Variants in APH1B observed in about 807,000 individuals in gnomAD.
The protein encoded by APH1B is gamma-secretase subunit APH-1B.
A neutral mutation model predicts 28.2 loss-of-function variants in APH1B; 27 were observed. The ratio of observed to expected loss-of-function variants is 0.96; its 90% CI spans 0.70 to 1.32. The LOEUF is 1.32. Ranked by LOEUF, APH1B falls within the 40% of genes most tolerant of loss-of-function variation. APH1B has a pLI of 0.00. For missense variants in APH1B, 305 were observed against 313.6 expected, an observed-to-expected ratio of 0.97 and a Z score of 0.21; for synonymous variants, 141 against 124.6, an observed-to-expected ratio of 1.13 and a Z score of -0.88.
chr15:63,277,864 G>T lies in APH1B; in HGVS notation c.113+128G>T. ...GTTTCAGACGGGAGGAGGGTTGAGA[G>T]GGGGAGAGCGGAGATCCGGCTCCCC... On this transcript the variant is annotated intron_variant, in intron 1 of 5. Coordinates refer to ENST00000261879, the MANE Select transcript of APH1B (RefSeq NM_031301.4). 3 of 901,890 alleles carry T rather than the reference G, an allele frequency of 3.3e-6. No individual in the cohort carries two copies. In the South Asian group the frequency reaches 5.2e-5, roughly 16 times the overall value. The allele number at this position is 901,890 out of a possible 1,614,324, so 55.9% of individuals were successfully genotyped here.
At position 63,305,435 on chromosome 15, in the gene APH1B, A is replaced by G. The variant is rs548374865; in HGVS notation, c.607-179A>G. ...TACAGCAAAACACGGGACCCACAGT[A>G]TCTGCTGACCAGCTTAGTTCTACAT... On this transcript the variant is annotated intron_variant, in intron 5 of 5. Transcript: ENST00000261879. 2.0e-5 allele frequency among the ~76,000 whole-genome samples: 3 copies of G among 152,368 alleles called. No homozygotes were observed. The South Asian group carries it at 6.2e-4, about 32-fold the overall frequency.
Position 63,305,894 on chromosome 15 carries a change from T to C in APH1B, c.*113T>C. On this transcript the variant is annotated 3_prime_UTR_variant, in exon 6 of 6. Coordinates refer to ENST00000261879, the MANE Select transcript of APH1B (RefSeq NM_031301.4). Reference sequence around the variant, plus strand: ...TGGAATTGAGAAAGAAATAAAACTATGCAGATATGCGTTCCATTCACTTGG... The same window carrying C: ...TGGAATTGAGAAAGAAATAAAACTACGCAGATATGCGTTCCATTCACTTGG... 1 of 1,342,556 alleles carries C rather than the reference T, an allele frequency of 7.4e-7. No individual in the cohort carries two copies. The highest frequency in any genetic ancestry group is 1.5e-5 in the African/African-American group (1 of 67,608). The allele number at this position is 1,342,556 out of a possible 1,614,324, so 83.2% of individuals were successfully genotyped here.
rs4984240 is a variant in APH1B at position 63,307,738 on chromosome 15, G to A, written c.*1957G>A. On this transcript the variant is annotated 3_prime_UTR_variant, in exon 6 of 6. Coordinates refer to ENST00000261879, the MANE Select transcript of APH1B (RefSeq NM_031301.4). ...TTTGCTGCTCTGTAGAGTGTGGAAA[G>A]TCTGAGAATATTAGCTTTACTCATC... 0.99 allele frequency: 150,479 copies of A among 152,366 alleles called. 74,333 individuals are homozygous for A. Among genetic ancestry groups the A allele is most frequent in the East Asian group, 1 (5,196 of 5,196 alleles). 9.4% of individuals were successfully genotyped at this position (152,366 alleles called of 1,614,324 possible).
At chr15:63,284,739 C>T (rs991679826) in intron 2 of APH1B, among the ~76,000 whole-genome samples, 4 of 152,136 alleles carry the variant, frequency 2.6e-5, no homozygotes, top group Non-Finnish European at 5.9e-5. Flanking sequence ...TTAACTTTTA[C>T]GTTCAAGGGT....
intron 4 of APH1B, among the ~76,000 whole-genome samples, chr15:63,289,344 T>G (rs2038479210): frequency 6.6e-6 from 1 of 152,214 alleles, no homozygotes; most frequent in South Asian, 2.1e-4. Context: ...TTTATGTTAT[T>G]TATAACTACT....
chr15:63,302,309 C>CT lies in APH1B; in HGVS notation c.479-35dup, dbSNP rs2038638964. On this transcript the variant is annotated intron_variant, in intron 4 of 5. Transcript: ENST00000261879. ...CCAGGGTCCTCAGTGGTTCTGATAC[C>CT]TGTAGGAGTGACACTAATGGTCGGC... The CT allele has an allele frequency of 1.2e-5, 20 of 1,609,552 alleles. 1 individual carries two copies. The Middle Eastern group carries it at 5.3e-4, about 43-fold the overall frequency.
chr15:63,301,622 C>T (rs1343314542), intron 4 of APH1B, among the ~76,000 whole-genome samples: 1 of 150,996 alleles, frequency 6.6e-6, no homozygotes, highest in African/African-American at 2.4e-5. Context: ...TGCTCTGTTG[C>T]CGAGGCTGGA....
At position 63,282,589 on chromosome 15, in the gene APH1B, A is replaced by C. The variant is rs1372635906; in HGVS notation, c.284+3258A>C. 3.9e-5 allele frequency among the ~76,000 whole-genome samples: 6 copies of C among 152,318 alleles called. No homozygotes were observed. In the South Asian group the frequency reaches 1.2e-3, roughly 32 times the overall value. The stretch of plus-strand genomic sequence containing the variant: ...TAATCATATTTTGCCAAAAACATAC[A>C]GTTTAGACAACTCTATGTTGCTTGA... On this transcript the variant is annotated intron_variant, in intron 2 of 5. Coordinates refer to ENST00000261879, the MANE Select transcript of APH1B (RefSeq NM_031301.4).
chr15:63,293,258 G>A (rs541664907), intron 4 of APH1B, among the ~76,000 whole-genome samples: 40 of 147,142 alleles, frequency 2.7e-4, no homozygotes, highest in African/African-American at 3.5e-4. Context: ...TCTGCCTCTC[G>A]GGTTCATGCC....
rs551716755 is a variant in APH1B, at chr15:63,305,530, C to T, written c.607-84C>T. 6.5e-4 allele frequency: 967 copies of T among 1,494,608 alleles called. 1 individual carries two copies. The highest frequency in any genetic ancestry group is 3.2e-3 in the Admixed American group (180 of 55,634). 92.6% of individuals were successfully genotyped at this position (1,494,608 alleles called of 1,614,324 possible). On this transcript the variant is annotated intron_variant, in intron 5 of 5. Coordinates refer to ENST00000261879, the MANE Select transcript of APH1B (RefSeq NM_031301.4). ...ACACACCCAAGTTCTTGAAAGTATT[C>T]CATGCTTCCCTTTATCTTTGGTTAT...
At position 63,286,052 on chromosome 15, in the gene APH1B, A is replaced by G. The variant is rs547228454; in HGVS notation, c.285-506A>G. ...GCTTCTTTAACAAATCGCTGCCTGAAGTGGACTCTGAAGGATGAGTGTAGT... is the reference window on the plus strand; with the variant it reads ...GCTTCTTTAACAAATCGCTGCCTGAGGTGGACTCTGAAGGATGAGTGTAGT... On this transcript the variant is annotated intron_variant, in intron 2 of 5. Coordinates refer to ENST00000261879, the MANE Select transcript of APH1B (RefSeq NM_031301.4). Among the ~76,000 whole-genome samples the G allele has an allele frequency of 7.9e-4, 120 of 152,336 alleles. 1 individual carries two copies. Among genetic ancestry groups the G allele is most frequent in the Admixed American group, 1.7e-3 (26 of 15,298 alleles).
At chr15:63,278,432 A>G (rs2038349630) in intron 1 of APH1B, 2 of 447,672 alleles carry the variant, frequency 4.5e-6, no homozygotes, top group Admixed American at 4.8e-5. Flanking sequence ...CCCTCCTCTG[A>G]TGAGTCTCTC....
At chr15:63,302,691 T>C (rs1424533744) in intron 5 of APH1B, among the ~76,000 whole-genome samples, 1 of 152,218 alleles carries the variant, frequency 6.6e-6, no homozygotes, top group African/African-American at 2.4e-5. Flanking sequence ...TCCCTGCTGT[T>C]TATTTGCAGT....
intron 1 of APH1B, 170 bp downstream of exon 1, chr15:63,277,906 CT>C: frequency 3.0e-6 from 2 of 666,750 alleles, no homozygotes; most frequent in Non-Finnish European, 4.9e-6. Flanking sequence ...GCCTCGCCCT[CT>C]TAGGAAGAAG....
intron 4 of APH1B, among the ~76,000 whole-genome samples, chr15:63,293,887 C>T (rs1035359816): frequency 6.6e-6 from 1 of 151,824 alleles, no homozygotes; most frequent in Non-Finnish European, 1.5e-5. Context: ...ACTTCAGCCT[C>T]AAGTAGCTGG....
At chr15:63,294,352 T>A (rs2038541455) in intron 4 of APH1B, among the ~76,000 whole-genome samples, 1 of 152,172 alleles carries the variant, frequency 6.6e-6, no homozygotes, top group Non-Finnish European at 1.5e-5. Context: ...CGGCAACCTC[T>A]CAGCTTGATC....
At chr15:63,298,284 C>T (rs1185155826) in intron 4 of APH1B, among the ~76,000 whole-genome samples, 3 of 152,116 alleles carry the variant, frequency 2.0e-5, no homozygotes, top group Non-Finnish European at 2.9e-5. Flanking sequence ...GATGATGGCT[C>T]GTGTAGCCTC....
At chr15:63,303,314 G>C (rs1350312294) in intron 5 of APH1B, among the ~76,000 whole-genome samples, 3 of 148,696 alleles carry the variant, frequency 2.0e-5, no homozygotes, top group Non-Finnish European at 4.5e-5. Flanking sequence ...CCACAGCTTG[G>C]TGCTGCCTTT....
rs868787599 is a variant in APH1B, at chr15:63,287,640, T to A, written c.478+94T>A. On this transcript the variant is annotated intron_variant, in intron 4 of 5. Coordinates refer to ENST00000261879, the MANE Select transcript of APH1B (RefSeq NM_031301.4). The stretch of plus-strand genomic sequence containing the variant: ...GCTTAGGAATTTCAGTGGATTGGAA[T>A]TTATGTTATGTCTTTTAAAGGCGAA... 6.0e-5 allele frequency: 88 copies of A among 1,471,450 alleles called. No homozygotes were observed. The Middle Eastern group carries it at 1.3e-3, about 21-fold the overall frequency. The allele number at this position is 1,471,450 out of a possible 1,614,324, so 91.1% of individuals were successfully genotyped here. A position where few individuals can be genotyped will look rare whatever the true frequency, so the allele number is the denominator to read the frequency against.
Sources: allele counts gnomAD v4.1 joint callset (sites outside exome capture counted in the v4.1 genomes callset), GRCh38; gene constraint gnomAD v4.1.1; transcripts MANE v1.5; gene names NCBI Gene and HGNC (gene_info 2026-07-23, HGNC 2026-07-21).